Variants in ARHGAP39 observed in about 807,000 individuals in gnomAD.
The protein encoded by ARHGAP39 is Rho GTPase activating protein 39.
In ARHGAP39, 44 loss-of-function variants were observed where a neutral mutation model predicts 106.9. That is an observed-to-expected ratio of 0.41 (90% CI 0.32 to 0.53). The LOEUF is 0.53. Among genes scored for constraint, ARHGAP39 ranks in the 20% least tolerant of loss-of-function variants. ARHGAP39 has a pLI of 0.21. For missense variants in ARHGAP39, 1,496 were observed against 1,577.3 expected, an observed-to-expected ratio of 0.95 and a Z score of 0.87; for synonymous variants, 768 against 693.2, an observed-to-expected ratio of 1.11 and a Z score of -1.69.
At chr8:144,600,943 T>C (rs1462423828) in intron 2 of ARHGAP39, among the ~76,000 whole-genome samples, 1 of 141,454 alleles carries the variant, frequency 7.1e-6, no homozygotes, top group Admixed American at 7.1e-5. Context: ...TGTGGAGGCA[T>C]GTGTGTGCTC....
At chr8:144,539,577 T>A (rs1184306472) in intron 6 of ARHGAP39, among the ~76,000 whole-genome samples, 1 of 152,254 alleles carries the variant, frequency 6.6e-6, no homozygotes, top group East Asian at 1.9e-4. Flanking sequence ...TTGCAGTTAT[T>A]TTTTGTGTAC....
intron 1 of ARHGAP39, among the ~76,000 whole-genome samples, chr8:144,618,685 G>A (rs1820702972): frequency 6.6e-6 from 1 of 152,228 alleles, no homozygotes; most frequent in Non-Finnish European, 1.5e-5. Context: ...TGGGAGGGAG[G>A]TCCCTGAAGA....
intron 1 of ARHGAP39, among the ~76,000 whole-genome samples, chr8:144,675,793 G>A (rs1236029729): frequency 6.6e-6 from 1 of 151,674 alleles, no homozygotes; most frequent in East Asian, 1.9e-4. Flanking sequence ...CAGGAGTGAA[G>A]CTGCAGACCT....
At chr8:144,561,010 T>C (rs1455381140) in intron 3 of ARHGAP39, among the ~76,000 whole-genome samples, 1 of 152,276 alleles carries the variant, frequency 6.6e-6, no homozygotes. Flanking sequence ...GATTATGGCA[T>C]CTAAAACTGT....
At position 144,529,404 on chromosome 8, in the gene ARHGAP39, A is replaced by T. The variant is rs1054019058; in HGVS notation, c.*1018T>A. 4 of 152,102 alleles carry T rather than the reference A, an allele frequency of 2.6e-5. No homozygotes were observed. The highest frequency in any genetic ancestry group is 6.6e-5 in the Admixed American group (1 of 15,242). The allele number at this position is 152,102 out of a possible 1,614,324, so 9.4% of individuals were successfully genotyped here. On this transcript the variant is annotated 3_prime_UTR_variant, in exon 12 of 12. Transcript: ENST00000377307. The stretch of plus-strand genomic sequence containing the variant: ...GAAATTAAGTTTTACAACAATTGGA[A>T]CTCAAAATTCCAAAATGGAAAATGT...
intron 1 of ARHGAP39, among the ~76,000 whole-genome samples, chr8:144,650,728 T>A (rs768353394): frequency 6.6e-6 from 1 of 152,116 alleles, no homozygotes; most frequent in Non-Finnish European, 1.5e-5. Context: ...AAACTCTCAA[T>A]AAACCAAGTA....
chr8:144,698,820 GAA>G, the ARHGAP39 span: 11 of 455,664 alleles, frequency 2.4e-5, no homozygotes, highest in Non-Finnish European at 4.8e-5. Flanking sequence ...GTGGGGAGTG[GAA>G]TGAGGACACA....
At chr8:144,561,103 C>T (rs1341662289) in intron 3 of ARHGAP39, among the ~76,000 whole-genome samples, 1 of 150,594 alleles carries the variant, frequency 6.6e-6, no homozygotes, top group Non-Finnish European at 1.5e-5. Flanking sequence ...GTGAGAGCAA[C>T]ACAACAGCCC....
intron 2 of ARHGAP39, among the ~76,000 whole-genome samples, chr8:144,596,793 AC>A (rs1022820092): frequency 7.9e-5 from 12 of 152,306 alleles, no homozygotes; most frequent in African/African-American, 2.6e-4. Flanking sequence ...AGGACCTGGC[AC>A]GTGCTGCAGG....
the ARHGAP39 span, among the ~76,000 whole-genome samples, chr8:144,692,864 A>G: frequency 7.0e-6 from 1 of 142,976 alleles, no homozygotes; most frequent in African/African-American, 2.7e-5. Context: ...GGTTCAAGCG[A>G]TTCTCCTACT....
intron 2 of ARHGAP39, among the ~76,000 whole-genome samples, chr8:144,583,393 G>C (rs1185064861): frequency 6.6e-6 from 1 of 152,248 alleles, no homozygotes; most frequent in Non-Finnish European, 1.5e-5. Flanking sequence ...CACGCATTGT[G>C]GGGTGAGCAG....
intron 8 of ARHGAP39, among the ~76,000 whole-genome samples, chr8:144,533,546 C>T (rs576948194): frequency 1.3e-5 from 2 of 152,298 alleles, no homozygotes; most frequent in Admixed American, 1.3e-4. Flanking sequence ...GCCCCTGGCT[C>T]TGCCTCCCCC....
At chr8:144,541,357 TTTTC>T (rs769001392) in intron 6 of ARHGAP39, among the ~76,000 whole-genome samples, 6 of 152,192 alleles carry the variant, frequency 3.9e-5, no homozygotes, top group African/African-American at 7.2e-5. Context: ...TCCATTTTCT[TTTTC>T]TTTGTGTTTT....
chr8:144,583,139 GCTGCC>G (rs1819059534), intron 2 of ARHGAP39, among the ~76,000 whole-genome samples: 1 of 152,114 alleles, frequency 6.6e-6, no homozygotes, highest in Non-Finnish European at 1.5e-5. Context: ...GGCACCAATA[GCTGCC>G]CAGCCCCTCC....
intron 3 of ARHGAP39, among the ~76,000 whole-genome samples, chr8:144,574,948 T>G (rs1818718998): frequency 6.6e-6 from 1 of 152,226 alleles, no homozygotes; most frequent in African/African-American, 2.4e-5. Flanking sequence ...GTTATACACA[T>G]GCAGGCTGTA....
chr8:144,596,041 C>A (rs1400762440), intron 2 of ARHGAP39, among the ~76,000 whole-genome samples: 1 of 152,144 alleles, frequency 6.6e-6, no homozygotes, highest in Non-Finnish European at 1.5e-5. Flanking sequence ...GACACCAAAT[C>A]CCCTCCTCAC....
At chr8:144,557,764 G>A (rs1418172125) in intron 3 of ARHGAP39, among the ~76,000 whole-genome samples, 1 of 152,162 alleles carries the variant, frequency 6.6e-6, no homozygotes, top group African/African-American at 2.4e-5. Context: ...GTGGCAAAAG[G>A]CTGAACCTTC....
intron 1 of ARHGAP39, among the ~76,000 whole-genome samples, chr8:144,651,922 C>G (rs1267889701): frequency 6.6e-6 from 1 of 151,996 alleles, no homozygotes; most frequent in African/African-American, 2.4e-5. Context: ...AAAATCAACT[C>G]AAGATGGATT....
intron 3 of ARHGAP39, among the ~76,000 whole-genome samples, chr8:144,564,482 A>G (rs111366473): frequency 8.3e-4 from 127 of 152,342 alleles, no homozygotes; most frequent in African/African-American, 2.8e-3. Flanking sequence ...AAAGGGAACT[A>G]TTACAAGAAA....
Sources: allele counts gnomAD v4.1 joint callset (sites outside exome capture counted in the v4.1 genomes callset), GRCh38; gene constraint gnomAD v4.1.1; transcripts MANE v1.5; gene names NCBI Gene and HGNC (gene_info 2026-07-23, HGNC 2026-07-21).